PKD2L2: variants seen among roughly 807,000 people sequenced by gnomAD.
PKD2L2 encodes the protein polycystin 2 like 2, transient receptor potential cation channel.
PKD2L2 carries 67 observed loss-of-function variants against 83.9 expected under a neutral mutation model. The ratio of observed to expected loss-of-function variants is 0.80; its 90% CI spans 0.66 to 0.98. The LOEUF (loss-of-function observed/expected upper bound fraction) is 0.98. Ranked by LOEUF, PKD2L2 falls within the 50% of genes least tolerant of loss-of-function variation. PKD2L2 has a pLI of 0.00. For synonymous variants in PKD2L2, 223 were observed against 237.8 expected, an observed-to-expected ratio of 0.94 and a Z score of 0.57; for missense variants, 632 against 717.2, an observed-to-expected ratio of 0.88 and a Z score of 1.36.
chr5:137,941,844 T>A, intron 14 of PKD2L2: 1 of 984,696 alleles, frequency 1.0e-6, no homozygotes, highest in Non-Finnish European at 1.5e-6. Flanking sequence ...TAGCATCCTA[T>A]ATGCACAATT....
At chr5:137,918,297 G>A (rs1758563450) in intron 8 of PKD2L2, among the ~76,000 whole-genome samples, 1 of 152,082 alleles carries the variant, frequency 6.6e-6, no homozygotes, top group African/African-American at 2.4e-5. Context: ...CCTTGATATG[G>A]AGTTGGTTTT....
chr5:137,914,890 T>C (rs374105850), intron 8 of PKD2L2, among the ~76,000 whole-genome samples: 2 of 152,212 alleles, frequency 1.3e-5, no homozygotes, highest in South Asian at 2.1e-4. Flanking sequence ...AATCATATGG[T>C]TTTTATCCTT....
rs925692170 is a variant in PKD2L2 at position 137,904,665 on chromosome 5, C to T, written c.747-1541C>T. Among the ~76,000 whole-genome samples, 10 of 152,148 alleles carry T rather than the reference C, an allele frequency of 6.6e-5. No individual in the cohort carries two copies. In the South Asian group the frequency reaches 1.0e-3, roughly 16 times the overall value. On this transcript the variant is annotated intron_variant, in intron 5 of 14. Coordinates refer to ENST00000508883, the MANE Select transcript of PKD2L2 (RefSeq NM_001300921.2). ...TTCAGAAAAAAACTGTCAGGAAGTA[C>T]GCTTAGTACCCAGGTGAAAAAATAA... is the stretch of plus-strand genomic sequence containing the variant.
At chr5:137,927,551 G>A (rs1284381628) in intron 12 of PKD2L2, among the ~76,000 whole-genome samples, 1 of 152,148 alleles carries the variant, frequency 6.6e-6, no homozygotes. Flanking sequence ...GAGAAACAGA[G>A]GATTAGATGG....
At chr5:137,929,553 A>AC (rs1759682846) in intron 12 of PKD2L2, among the ~76,000 whole-genome samples, 1 of 148,424 alleles carries the variant, frequency 6.7e-6, no homozygotes, top group Non-Finnish European at 1.5e-5. Context: ...AAAAAAAAAA[A>AC]AAAAAACAGA....
At chr5:137,932,709 C>T (rs1014742897) in intron 12 of PKD2L2, among the ~76,000 whole-genome samples, 1 of 152,166 alleles carries the variant, frequency 6.6e-6, no homozygotes, top group African/African-American at 2.4e-5. Context: ...ATCCAAAATG[C>T]TTGGGACCCA....
In PKD2L2 at chr5:137,917,157, C is replaced by CT. The variant is rs142396330; in HGVS notation, c.1329-4475dup. On this transcript the variant is annotated intron_variant, in intron 8 of 14. Transcript: ENST00000508883. ...CTGCAGGTCTCTTGGTATCTGTTCACTTTTCTTTTTTTTTTTTTTTTTGAG... is the reference window on the plus strand; with the variant it reads ...CTGCAGGTCTCTTGGTATCTGTTCACTTTTTCTTTTTTTTTTTTTTTTTGAG... 3.0e-4 allele frequency among the ~76,000 whole-genome samples: 27 copies of CT among 91,496 alleles called. No individual in the cohort carries two copies. In the East Asian group the frequency reaches 0.012, roughly 40 times the overall value. The allele number at this position is 91,496 out of a possible 152,430, so 60.0% of individuals were successfully genotyped here.
At chr5:137,900,229 G>A (rs902525911) in intron 5 of PKD2L2, among the ~76,000 whole-genome samples, 7 of 152,194 alleles carry the variant, frequency 4.6e-5, no homozygotes, top group African/African-American at 1.7e-4. Flanking sequence ...GAACTCTAGT[G>A]TTATGAGTAT....
At chr5:137,940,325 A>C in intron 14 of PKD2L2, 3 of 1,606,424 alleles carry the variant, frequency 1.9e-6, no homozygotes, top group Non-Finnish European at 2.6e-6. Context: ...AAGCACTGGA[A>C]CACGATCCTC....
chr5:137,892,466 A>C lies in PKD2L2; in HGVS notation c.134-14A>C. Reference sequence around the variant, plus strand: ...TTAAATGTAAATTATTAAACAAAAAATTATTCTCCTTAGTGACTTTTGGGA... The same window carrying C: ...TTAAATGTAAATTATTAAACAAAAACTTATTCTCCTTAGTGACTTTTGGGA... On this transcript the variant is annotated splice_polypyrimidine_tract_variant and intron_variant, in intron 2 of 14. Transcript: ENST00000508883. The C allele has an allele frequency of 7.3e-7, 1 of 1,377,374 alleles. No individual in the cohort carries two copies. Among genetic ancestry groups the C allele is most frequent in the Admixed American group, 2.6e-5 (1 of 38,820 alleles). The allele number at this position is 1,377,374 out of a possible 1,614,324, so 85.3% of individuals were successfully genotyped here. A position where few individuals can be genotyped will look rare whatever the true frequency, so the allele number is the denominator to read the frequency against.
rs773979286 is a variant in PKD2L2 at position 137,921,624 on chromosome 5, T to G, written c.1329-12T>G. On this transcript the variant is annotated splice_polypyrimidine_tract_variant and intron_variant, in intron 8 of 14. Transcript: ENST00000508883. ...AAAGGTATATATTTTCTACTGTTTT[T>G]CTTTCTTAAAGATTTGCACAATTTC... is the stretch of plus-strand genomic sequence containing the variant. 16 of 1,547,574 alleles carry G rather than the reference T, an allele frequency of 1.0e-5. No individual in the cohort carries two copies. In the East Asian group the frequency reaches 3.6e-4, roughly 35 times the overall value.
intron 14 of PKD2L2, among the ~76,000 whole-genome samples, chr5:137,937,474 G>C (rs577357135): frequency 1.3e-5 from 2 of 152,290 alleles, no homozygotes; most frequent in South Asian, 4.1e-4. Context: ...TTGGAAATTG[G>C]AGAGAAACTC....
At chr5:137,901,812 A>G (rs922278654) in intron 5 of PKD2L2, among the ~76,000 whole-genome samples, 1 of 152,222 alleles carries the variant, frequency 6.6e-6, no homozygotes, top group Non-Finnish European at 1.5e-5. Context: ...GAACCCCAAC[A>G]GAGAGAACAC....
At chr5:137,929,552 A>AAAAAAAAC in intron 12 of PKD2L2, among the ~76,000 whole-genome samples, 1 of 148,414 alleles carries the variant, frequency 6.7e-6, no homozygotes, top group Non-Finnish European at 1.5e-5. Context: ...AAAAAAAAAA[A>AAAAAAAAC]AAAAAAACAG....
intron 8 of PKD2L2, among the ~76,000 whole-genome samples, chr5:137,914,957 T>C (rs949577983): frequency 6.6e-6 from 1 of 152,226 alleles, no homozygotes; most frequent in African/African-American, 2.4e-5. Flanking sequence ...CATCCTTGCA[T>C]TGTAGGGATA....
chr5:137,921,872 G>C (rs865949814), intron 9 of PKD2L2, 116 bp downstream of exon 9: 23 of 777,278 alleles, frequency 3.0e-5, no homozygotes, highest in Non-Finnish European at 4.1e-5. Context: ...CATTTATTGA[G>C]AATTGTGTGG....
chr5:137,937,521 T>C (rs1332781936), intron 14 of PKD2L2, among the ~76,000 whole-genome samples: 1 of 152,202 alleles, frequency 6.6e-6, no homozygotes, highest in African/African-American at 2.4e-5. Flanking sequence ...CCCCCTACGA[T>C]AGCCATATGT....
chr5:137,942,248 C>T, intron 14 of PKD2L2, 136 bp from the exon 15 acceptor site: 1 of 578,886 alleles, frequency 1.7e-6, no homozygotes. Context: ...GAAGTCAGGG[C>T]TCAGAACCAG....
chr5:137,914,870 C>G (rs370679988), intron 8 of PKD2L2, among the ~76,000 whole-genome samples: 2 of 152,122 alleles, frequency 1.3e-5, no homozygotes, highest in East Asian at 3.8e-4. Context: ...TTTTCTGCCT[C>G]TATTAAGATA....
Sources: gnomAD v4.1 joint callset for allele counts (sites outside exome capture counted in the v4.1 genomes callset) on GRCh38, gnomAD v4.1.1 for gene constraint, MANE v1.5 for transcripts, NCBI Gene and HGNC (gene_info 2026-07-23, HGNC 2026-07-21) for gene names.